KCNB2: variants seen among roughly 807,000 people sequenced by gnomAD.
KCNB2 encodes the protein delayed rectifier potassium channel protein.
A neutral mutation model predicts 61.5 loss-of-function variants in KCNB2; 15 were observed. The observed-to-expected ratio is 0.24, with a 90% CI of 0.16 to 0.38. The LOEUF is 0.38. Ranked by LOEUF, KCNB2 falls within the 10% of genes least tolerant of loss-of-function variation. The pLI, the probability that KCNB2 is intolerant of heterozygous loss-of-function variation, is 1.00. For missense variants in KCNB2, 828 were observed against 1,125.2 expected, an observed-to-expected ratio of 0.74 and a Z score of 3.78; for synonymous variants, 457 against 446.0, an observed-to-expected ratio of 1.02 and a Z score of -0.31.
intron 2 of KCNB2, among the ~76,000 whole-genome samples, chr8:72,573,524 G>A (rs1261048964): frequency 6.6e-6 from 1 of 152,180 alleles, no homozygotes; most frequent in African/African-American, 2.4e-5. Context: ...CTACACTGAG[G>A]CCCTTCTGTG....
At chr8:72,909,322 A>G (rs769822152) in intron 2 of KCNB2, among the ~76,000 whole-genome samples, 14 of 152,168 alleles carry the variant, frequency 9.2e-5, no homozygotes, top group Non-Finnish European at 2.1e-4. Context: ...AGAAGAACAC[A>G]TCAGGCAAAG....
intron 2 of KCNB2, among the ~76,000 whole-genome samples, chr8:72,803,243 A>C (rs996299426): frequency 6.6e-6 from 1 of 151,850 alleles, no homozygotes; most frequent in African/African-American, 2.4e-5. Flanking sequence ...GAGCCAGCCA[A>C]CTCCCTGTCC....
At chr8:72,892,011 G>C (rs1805903465) in intron 2 of KCNB2, among the ~76,000 whole-genome samples, 1 of 152,128 alleles carries the variant, frequency 6.6e-6, no homozygotes, top group Non-Finnish European at 1.5e-5. Flanking sequence ...AGCCAGAGCA[G>C]CTTGAAGGAA....
At chr8:72,789,827 G>A (rs1332947341) in intron 2 of KCNB2, among the ~76,000 whole-genome samples, 1 of 152,086 alleles carries the variant, frequency 6.6e-6, no homozygotes, top group East Asian at 1.9e-4. Context: ...CACCACTATA[G>A]TAGGCCAAGC....
chr8:72,648,849 C>T (rs897740092), intron 2 of KCNB2, among the ~76,000 whole-genome samples: 3 of 152,000 alleles, frequency 2.0e-5, no homozygotes, highest in African/African-American at 7.2e-5. Flanking sequence ...TATTATTCAC[C>T]AGACCAAATA....
chr8:72,846,130 G>A (rs181363805), intron 2 of KCNB2, among the ~76,000 whole-genome samples: 32 of 152,284 alleles, frequency 2.1e-4, no homozygotes, highest in African/African-American at 5.5e-4. Context: ...TGGGAAAAGC[G>A]TAGTATCTGG....
chr8:72,592,570 A>G (rs1184220939), intron 2 of KCNB2, among the ~76,000 whole-genome samples: 1 of 152,104 alleles, frequency 6.6e-6, no homozygotes, highest in African/African-American at 2.4e-5. Context: ...GCATGGCCAC[A>G]TGATATACAT....
chr8:72,850,221 ATG>A (rs1554538718), intron 2 of KCNB2, among the ~76,000 whole-genome samples: 1 of 12,296 alleles, frequency 8.1e-5, no homozygotes, highest in Non-Finnish European at 2.6e-4. Flanking sequence ...GTGTGTGTGT[ATG>A]TGTGTGTGTG....
At chr8:72,649,476 A>T (rs1290352885) in intron 2 of KCNB2, among the ~76,000 whole-genome samples, 2 of 152,224 alleles carry the variant, frequency 1.3e-5, no homozygotes, top group Admixed American at 1.3e-4. Flanking sequence ...GGGTTGAAAA[A>T]CTATTAGGTG....
chr8:72,549,640 C>T (rs1006349330), intron 1 of KCNB2, among the ~76,000 whole-genome samples: 13 of 152,268 alleles, frequency 8.5e-5, no homozygotes, highest in African/African-American at 1.4e-4. Context: ...TCCCTGCTGT[C>T]GTCATATTTC....
rs958002815 is a variant in KCNB2 at position 72,825,826 on chromosome 8, A to G, written c.580-110109A>G. Among the ~76,000 whole-genome samples, 2 of 152,152 alleles carry G rather than the reference A, an allele frequency of 1.3e-5. 1 individual carries two copies. On this transcript the variant is annotated intron_variant, in intron 2 of 2. Coordinates refer to ENST00000523207, the MANE Select transcript of KCNB2 (RefSeq NM_004770.3). Reference sequence around the variant, plus strand: ...CTTATCACACACATGATTTGCTAATATATTCTCCTGCTCCATGGGTTCTCT... The same window carrying G: ...CTTATCACACACATGATTTGCTAATGTATTCTCCTGCTCCATGGGTTCTCT...
At chr8:72,809,808 C>A (rs1373193751) in intron 2 of KCNB2, among the ~76,000 whole-genome samples, 1 of 152,124 alleles carries the variant, frequency 6.6e-6, no homozygotes, top group Non-Finnish European at 1.5e-5. Flanking sequence ...ATCCTGTCCT[C>A]TTTTTAAAGA....
At chr8:72,612,276 A>T (rs1373389723) in intron 2 of KCNB2, among the ~76,000 whole-genome samples, 1 of 152,220 alleles carries the variant, frequency 6.6e-6, no homozygotes. Flanking sequence ...TGAACAATGC[A>T]GTGTTCTCAG....
chr8:72,679,356 G>A lies in KCNB2; in HGVS notation c.579+111043G>A, dbSNP rs193281212. Among the ~76,000 whole-genome samples, 132 of 152,272 alleles carry A rather than the reference G, an allele frequency of 8.7e-4. 1 individual carries two copies. Among genetic ancestry groups the A allele is most frequent in the Admixed American group, 2.0e-3 (30 of 15,300 alleles). On this transcript the variant is annotated intron_variant, in intron 2 of 2. Transcript: ENST00000523207. ...TTGTTCCTTTCATGTTTATTAACGG[G>A]ACATGCTCTTCATGTCTGGCAAGAG...
At chr8:72,709,992 C>A (rs1263915779) in intron 2 of KCNB2, among the ~76,000 whole-genome samples, 1 of 152,148 alleles carries the variant, frequency 6.6e-6, no homozygotes, top group African/African-American at 2.4e-5. Flanking sequence ...GACTTTGTCA[C>A]CTCCTGCATT....
intron 2 of KCNB2, among the ~76,000 whole-genome samples, chr8:72,821,826 G>A (rs55929235): frequency 0.19 from 29,441 of 151,908 alleles, 3,502 homozygotes; most frequent in Non-Finnish European, 0.27. Flanking sequence ...AGGGAAGGAT[G>A]GAGGGAGGGA....
intron 2 of KCNB2, among the ~76,000 whole-genome samples, chr8:72,815,246 T>A (rs1438850779): frequency 6.6e-6 from 1 of 152,174 alleles, no homozygotes; most frequent in Non-Finnish European, 1.5e-5. Flanking sequence ...GGGAATATTC[T>A]GAAACGGTTT....
intron 2 of KCNB2, among the ~76,000 whole-genome samples, chr8:72,933,907 A>G (rs1358655661): frequency 6.6e-6 from 1 of 152,258 alleles, no homozygotes; most frequent in Non-Finnish European, 1.5e-5. Context: ...TCAAAAAGAT[A>G]GAAAGTATTT....
At chr8:72,791,069 G>A (rs1808934079) in intron 2 of KCNB2, among the ~76,000 whole-genome samples, 1 of 152,174 alleles carries the variant, frequency 6.6e-6, no homozygotes, top group Non-Finnish European at 1.5e-5. Flanking sequence ...CATGTTCAGA[G>A]CATTGACAGG....
Sources: gnomAD v4.1 joint callset for allele counts (sites outside exome capture counted in the v4.1 genomes callset) on GRCh38, gnomAD v4.1.1 for gene constraint, MANE v1.5 for transcripts, NCBI Gene and HGNC (gene_info 2026-07-23, HGNC 2026-07-21) for gene names.